SAP30BP: variants seen among roughly 807,000 people sequenced by gnomAD.
The protein encoded by SAP30BP is SAP30 binding protein.
SAP30BP carries 31 observed loss-of-function variants against 46.3 expected under a neutral mutation model. The ratio of observed to expected loss-of-function variants is 0.67; its 90% confidence interval spans 0.50 to 0.90. The LOEUF (loss-of-function observed/expected upper bound fraction) is 0.90. Ranked by LOEUF, SAP30BP falls within the 40% of genes least tolerant of loss-of-function variation. The probability of loss-of-function intolerance (pLI) is 0.00; values close to 1 mark genes in which losing one functional copy is unlikely to be tolerated. For missense variants in SAP30BP, 312 were observed against 391.0 expected, an observed-to-expected ratio of 0.80 and a Z score of 1.70; for synonymous variants, 169 against 144.2, an observed-to-expected ratio of 1.17 and a Z score of -1.23.
At chr17:75,684,431 G>A (rs2060128137) in intron 3 of SAP30BP, 1 of 152,182 alleles carries the variant, frequency 6.6e-6, no homozygotes. Flanking sequence ...TTTGAGTGCT[G>A]ATTAGAAGGG....
chr17:75,706,083 G>A lies in SAP30BP; in HGVS notation c.736G>A (p.Ala246Thr). The A allele has an allele frequency of 1.2e-6, 2 of 1,612,316 alleles. No homozygotes were observed. The highest frequency in any genetic ancestry group is 8.5e-7 in the Non-Finnish European group (1 of 1,179,318). Reference protein sequence around the residue: ...TSTTTTTASTAVADAQKRKSK... With the variant: ...TSTTTTTASTTVADAQKRKSK... ...CACCACCACTACCACTGCCAGCACA[G>A]CTGTTGCAGGTAGATTGCAGAGCTG... The change falls in exon 10 of 11, where the codon GCT becomes ACT. Residue 246 changes from alanine to threonine, a missense_variant. By Grantham distance (58) the Ala-to-Thr change is moderately conservative. This residue lies in a region of SAP30BP where 296 missense variants were observed against 346.6 expected (regional missense o/e 0.85). Coordinates refer to ENST00000584667, the MANE Select transcript of SAP30BP (RefSeq NM_013260.8). The surrounding 1 kb of genome is among the most constrained non-coding windows in gnomAD (Gnocchi z 4.6).
chr17:75,670,436 G>C (rs1051935823), intron 2 of SAP30BP, among the ~76,000 whole-genome samples: 7 of 152,118 alleles, frequency 4.6e-5, no homozygotes, highest in African/African-American at 1.7e-4. Context: ...ATTCAGAGTT[G>C]ACTGAAATTA....
intron 5 of SAP30BP, among the ~76,000 whole-genome samples, chr17:75,700,994 G>A (rs2060401685): frequency 6.6e-6 from 1 of 152,292 alleles, no homozygotes; most frequent in East Asian, 1.9e-4. Context: ...AAGTTGCCAA[G>A]CCTTCTGTAT....
chr17:75,688,059 C>T (rs566642682), intron 3 of SAP30BP, among the ~76,000 whole-genome samples: 4 of 152,100 alleles, frequency 2.6e-5, no homozygotes, highest in African/African-American at 7.2e-5. Context: ...AGTTTGTCTT[C>T]ATCGGCCAGG....
chr17:75,699,138 G>A (rs2060366818), intron 4 of SAP30BP, among the ~76,000 whole-genome samples: 3 of 152,278 alleles, frequency 2.0e-5, no homozygotes, highest in South Asian at 2.1e-4. Flanking sequence ...GTACCACTAC[G>A]CTCTAGCCTG....
At chr17:75,689,888 G>A (rs2060216599) in intron 3 of SAP30BP, among the ~76,000 whole-genome samples, 1 of 152,162 alleles carries the variant, frequency 6.6e-6, no homozygotes, top group Non-Finnish European at 1.5e-5. Flanking sequence ...TAATAATCGA[G>A]CCTTTCTTCC....
chr17:75,694,768 GAT>G (rs2060291939), intron 4 of SAP30BP, among the ~76,000 whole-genome samples: 1 of 152,230 alleles, frequency 6.6e-6, no homozygotes, highest in Non-Finnish European at 1.5e-5. Flanking sequence ...CCAACGCAGA[GAT>G]GCCCTTGCTC....
At chr17:75,701,498 C>T (rs1211578822) in intron 5 of SAP30BP, among the ~76,000 whole-genome samples, 1 of 152,148 alleles carries the variant, frequency 6.6e-6, no homozygotes, top group African/African-American at 2.4e-5. Context: ...GCCTGGATCC[C>T]CCGAGGTGGT....
At chr17:75,670,964 G>T (rs140579621) in intron 2 of SAP30BP, among the ~76,000 whole-genome samples, 231 of 152,346 alleles carry the variant, frequency 1.5e-3, no homozygotes, top group Non-Finnish European at 2.4e-3. Flanking sequence ...GGTAGTGGAG[G>T]TGACATGGAT....
At chr17:75,682,484 G>T (rs2060091981) in intron 3 of SAP30BP, among the ~76,000 whole-genome samples, 1 of 152,034 alleles carries the variant, frequency 6.6e-6, no homozygotes. Context: ...GATTACGGGT[G>T]CAAGCCACTG....
chr17:75,687,923 T>TGC (rs1405600064), intron 3 of SAP30BP, among the ~76,000 whole-genome samples: 3 of 92,310 alleles, frequency 3.2e-5, no homozygotes, highest in African/African-American at 1.1e-4. Flanking sequence ...TTGGGGTGTG[T>TGC]GTGTGTGTGT....
intron 3 of SAP30BP, among the ~76,000 whole-genome samples, chr17:75,678,549 G>A (rs1049917583): frequency 3.3e-5 from 5 of 152,060 alleles, no homozygotes; most frequent in African/African-American, 1.2e-4. Context: ...AGGGCCGGCT[G>A]TACTCGACTC....
intron 8 of SAP30BP, 124 bp downstream of exon 8, chr17:75,703,983 G>A (rs933930938): frequency 3.8e-6 from 3 of 799,290 alleles, no homozygotes; most frequent in Non-Finnish European, 6.6e-6. Context: ...ATGTTCAAGG[G>A]GGCTGGGTAC....
chr17:75,671,909 T>C (rs373363432), intron 3 of SAP30BP, 46 bp downstream of exon 3: 2 of 1,466,124 alleles, frequency 1.4e-6, no homozygotes, highest in Non-Finnish European at 1.9e-6. Flanking sequence ...AAACAAGGTG[T>C]TTGAACACTG....
At chr17:75,668,929 T>A (rs2059860584) in intron 2 of SAP30BP, among the ~76,000 whole-genome samples, 1 of 152,254 alleles carries the variant, frequency 6.6e-6, no homozygotes, top group Admixed American at 6.5e-5. Flanking sequence ...ATTTACTCCA[T>A]TTATAGCAGG....
chr17:75,695,636 A>G (rs1490623295), intron 4 of SAP30BP, among the ~76,000 whole-genome samples: 2 of 152,156 alleles, frequency 1.3e-5, no homozygotes, highest in East Asian at 3.9e-4. Context: ...AGTGGCTTCC[A>G]TTCATGATGC....
At chr17:75,700,403 C>T (rs1008598063) in intron 5 of SAP30BP, 1 of 152,380 alleles carries the variant, frequency 6.6e-6, no homozygotes, top group African/African-American at 2.4e-5. Flanking sequence ...AGTTACACTC[C>T]CTGGGGGGAC....
At chr17:75,691,923 GTC>G (rs1467582213) in intron 3 of SAP30BP, 2 of 180,040 alleles carry the variant, frequency 1.1e-5, no homozygotes, top group African/African-American at 2.4e-5. Context: ...GAGACTGGCA[GTC>G]TCTATAGGGC....
chr17:75,671,063 G>T (rs898321104), intron 2 of SAP30BP, among the ~76,000 whole-genome samples: 6 of 152,184 alleles, frequency 3.9e-5, no homozygotes, highest in African/African-American at 1.4e-4. Context: ...GGAATGGCGG[G>T]CTCGCTTTGG....
Sources: allele counts gnomAD v4.1 joint callset (sites outside exome capture counted in the v4.1 genomes callset), GRCh38; gene constraint gnomAD v4.1.1; regional missense constraint gnomAD v4.1.1; non-coding constraint Gnocchi (gnomAD v3.1); transcripts MANE v1.5; gene names NCBI Gene and HGNC (gene_info 2026-07-23, HGNC 2026-07-21).